GRAMD2B: variants seen among roughly 807,000 people sequenced by gnomAD.
The protein encoded by GRAMD2B is GRAM domain containing 2B, also known as GRAM domain-containing protein 2B.
GRAMD2B carries 41 observed loss-of-function variants against 59.2 expected under a neutral mutation model. The ratio of observed to expected loss-of-function variants is 0.69; its 90% CI spans 0.54 to 0.90. The LOEUF (loss-of-function observed/expected upper bound fraction) is 0.90, where lower values mean the gene tolerates loss of function less well. Ranked by LOEUF, GRAMD2B falls within the 40% of genes least tolerant of loss-of-function variation. The probability of loss-of-function intolerance (pLI) is 0.00; values close to 1 mark genes in which losing one functional copy is unlikely to be tolerated. For missense variants in GRAMD2B, 424 were observed against 500.5 expected (o/e 0.85, Z 1.46); for synonymous variants, 161 against 182.7 (o/e 0.88, Z 0.96).
intron 1 of GRAMD2B, chr5:126,459,168 G>A (rs1158331862): frequency 2.6e-5 from 4 of 152,194 alleles, no homozygotes; most frequent in East Asian, 1.9e-4. Context: ...TGAAATTAGA[G>A]AATACTATAT....
chr5:126,390,639 A>G (rs1242980913), intron 1 of GRAMD2B, among the ~76,000 whole-genome samples: 1 of 152,232 alleles, frequency 6.6e-6, no homozygotes, highest in Non-Finnish European at 1.5e-5. Context: ...AAGTAATTTC[A>G]GCAGCCTTTC....
At chr5:126,401,993 A>G (rs1757881128) in intron 1 of GRAMD2B, among the ~76,000 whole-genome samples, 1 of 152,056 alleles carries the variant, frequency 6.6e-6, no homozygotes, top group Non-Finnish European at 1.5e-5. Context: ...TAGGCTTTCA[A>G]ATTCTAACAA....
rs532223358 is a variant in GRAMD2B, at chr5:126,397,146, A to T, written c.125+25579A>T. Among the ~76,000 whole-genome samples, 3 of 152,160 alleles carry T rather than the reference A, an allele frequency of 2.0e-5. No homozygotes were observed. The South Asian group carries it at 6.2e-4, about 32-fold the overall frequency. ...TGTAGGTTGTCTGTTCATTCTGTTGATAGTTTCTTAAAGGGAAAGCGTTCA... is the reference window on the plus strand; with the variant it reads ...TGTAGGTTGTCTGTTCATTCTGTTGTTAGTTTCTTAAAGGGAAAGCGTTCA... On this transcript the variant is annotated intron_variant, in intron 1 of 8. Coordinates refer to the GRAMD2B transcript ENST00000506445.
chr5:126,371,618 A>T, intron 1 of GRAMD2B: 1 of 1,247,148 alleles, frequency 8.0e-7, no homozygotes, highest in Admixed American at 2.7e-5. Flanking sequence ...TGGTGGCCTC[A>T]GCTACCCAAC....
At chr5:126,480,568 C>T (rs200939023) in intron 7 of GRAMD2B, 41 bp downstream of exon 7, 1 of 1,604,892 alleles carries the variant, frequency 6.2e-7, no homozygotes, top group East Asian at 2.2e-5. Flanking sequence ...TGTCTCTCTT[C>T]TGTATTTCTT....
chr5:126,484,552 G>C (rs768170176), intron 10 of GRAMD2B, 28 bp downstream of exon 10: 3 of 1,580,080 alleles, frequency 1.9e-6, no homozygotes, highest in Non-Finnish European at 2.6e-6. Flanking sequence ...CAGGGGGGTG[G>C]GTTTAGAAGG....
chr5:126,441,763 T>G (rs1207400967), intron 1 of GRAMD2B, among the ~76,000 whole-genome samples: 2 of 152,182 alleles, frequency 1.3e-5, no homozygotes, highest in Non-Finnish European at 2.9e-5. Flanking sequence ...ATGAGGATTT[T>G]TTTAGGAATA....
chr5:126,367,432 TGGAGGAGGAGGAGGAGGA>T (rs70994862), upstream of GRAMD2B, among the ~76,000 whole-genome samples: 2,015 of 140,762 alleles, frequency 0.014, 21 homozygotes, highest in Non-Finnish European at 0.022. Context: ...CTGTAAAAAC[TGGAGGAGGAGGAGGAGGA>T]GGAGGAGGAG....
rs78279659 is a variant in GRAMD2B, at chr5:126,426,795, C to T, written c.83+3106C>T. Among the ~76,000 whole-genome samples, 838 of 152,192 alleles carry T rather than the reference C, an allele frequency of 5.5e-3. 20 individuals carry two copies. The highest frequency in any genetic ancestry group is 0.043 in the Admixed American group (653 of 15,284). On this transcript the variant is annotated intron_variant, in intron 1 of 13. Transcript: ENST00000285689. Reference sequence around the variant, plus strand: ...TCTTAATCACATTTCCTATCAGTAGCGGTTAGAATTTCTAGGTACATTTAC... The same window carrying T: ...TCTTAATCACATTTCCTATCAGTAGTGGTTAGAATTTCTAGGTACATTTAC...
intron 1 of GRAMD2B, among the ~76,000 whole-genome samples, chr5:126,451,674 T>C (rs746762843): frequency 6.6e-6 from 1 of 152,190 alleles, no homozygotes; most frequent in Non-Finnish European, 1.5e-5. Flanking sequence ...TTTTGCAATG[T>C]GAGGACGAGA....
At chr5:126,366,700 CACTCTAAACCATGAAAT>C (rs1461260537), upstream of GRAMD2B, among the ~76,000 whole-genome samples, 4 of 152,100 alleles carry the variant, frequency 2.6e-5, no homozygotes, top group Non-Finnish European at 4.4e-5. Context: ...CCTAAACTAA[CACTCTAAACCATGAAAT>C]CAAACAGCCA....
chr5:126,364,055 A>C (rs1334123037), intron 1 of GRAMD2B, among the ~76,000 whole-genome samples: 1 of 152,202 alleles, frequency 6.6e-6, no homozygotes, highest in Non-Finnish European at 1.5e-5. Flanking sequence ...ATTTTATTAT[A>C]AGTATTGATC....
intron 1 of GRAMD2B, among the ~76,000 whole-genome samples, chr5:126,388,582 A>G (rs1278884085): frequency 4.0e-5 from 6 of 151,744 alleles, no homozygotes; most frequent in Admixed American, 3.3e-4. Flanking sequence ...GAAAATATGA[A>G]TATGAAATTT....
intron 11 of GRAMD2B, among the ~76,000 whole-genome samples, chr5:126,486,182 T>C (rs984322252): frequency 2.0e-5 from 3 of 152,228 alleles, no homozygotes; most frequent in Non-Finnish European, 4.4e-5. Flanking sequence ...ACCCTTATCA[T>C]CTCTTTGTGT....
upstream of GRAMD2B, among the ~76,000 whole-genome samples, chr5:126,421,949 T>C (rs1365098190): frequency 6.6e-6 from 1 of 152,200 alleles, no homozygotes; most frequent in African/African-American, 2.4e-5. Flanking sequence ...TTCCCAGGCA[T>C]GTCATGCTCT....
At chr5:126,486,658 T>A (rs1772990044) in intron 11 of GRAMD2B, among the ~76,000 whole-genome samples, 1 of 152,200 alleles carries the variant, frequency 6.6e-6, no homozygotes, top group African/African-American at 2.4e-5. Context: ...TATTTGCAAA[T>A]TAAGGGACTT....
chr5:126,365,616 C>T (rs1754406710), intron 1 of GRAMD2B, among the ~76,000 whole-genome samples: 1 of 152,076 alleles, frequency 6.6e-6, no homozygotes, highest in Admixed American at 6.5e-5. Context: ...TTCCCAAAGT[C>T]ACGTTCAGTG....
Position 126,452,092 on chromosome 5 carries a change from G to T in GRAMD2B, c.84-13334G>T, listed in dbSNP as rs1765479759. On this transcript the variant is annotated intron_variant, in intron 1 of 13. Coordinates refer to ENST00000285689, the MANE Select transcript of GRAMD2B (RefSeq NM_023927.4). ...TTCTTTATAAATTACCCAGTCTTGG[G>T]TATATCTCTATAGCAATGCAAATGG... 2.6e-5 allele frequency among the ~76,000 whole-genome samples: 4 copies of T among 152,122 alleles called. No individual in the cohort carries two copies. In the South Asian group the frequency reaches 8.3e-4, roughly 32 times the overall value.
intron 1 of GRAMD2B, among the ~76,000 whole-genome samples, chr5:126,398,793 T>C (rs1301213675): frequency 1.3e-5 from 2 of 152,194 alleles, no homozygotes; most frequent in Non-Finnish European, 2.9e-5. Context: ...TTTGGTATGT[T>C]GTGTTTCATT....
Sources: allele counts gnomAD v4.1 joint callset (sites outside exome capture counted in the v4.1 genomes callset), GRCh38; gene constraint gnomAD v4.1.1; transcripts MANE v1.5; gene names NCBI Gene and HGNC (gene_info 2026-07-23, HGNC 2026-07-21).